Variants in LMO7 observed in about 807,000 individuals in gnomAD.
The protein encoded by LMO7 is LIM domain 7, also known as LIM domain only protein 7.
A neutral mutation model predicts 206.5 loss-of-function variants in LMO7; 120 were observed. The observed-to-expected ratio is 0.58, with a 90% CI of 0.50 to 0.68. LMO7 has a LOEUF of 0.68. LMO7 is among the 30% of genes least tolerant of loss of function. The pLI, the probability that LMO7 is intolerant of heterozygous loss-of-function variation, is 0.00. For synonymous variants in LMO7, 706 were observed against 681.5 expected (o/e 1.04, Z -0.56); for missense variants, 1,959 against 1,957.9 (o/e 1.00, Z -0.01).
chr13:75,781,686 C>T (rs1463797735), intron 4 of LMO7, among the ~76,000 whole-genome samples: 1 of 150,446 alleles, frequency 6.6e-6, no homozygotes, highest in African/African-American at 2.4e-5. Context: ...AGTTCTAGAT[C>T]CCTGAGGAAT....
chr13:75,827,602 G>T (rs1176698882), intron 15 of LMO7, among the ~76,000 whole-genome samples: 2 of 152,100 alleles, frequency 1.3e-5, no homozygotes, highest in African/African-American at 4.8e-5. Flanking sequence ...GCTCATTCTA[G>T]AGGTGACCCA....
At chr13:75,819,329 C>G in intron 12 of LMO7, 64 bp from the exon 13 acceptor site, 1 of 1,487,080 alleles carries the variant, frequency 6.7e-7, no homozygotes, top group Non-Finnish European at 9.0e-7. Flanking sequence ...CTGGCACATT[C>G]TGTCTGCTAG....
Position 75,636,581 on chromosome 13 carries a change from C to A in LMO7, c.-77C>A. 6.5e-7 allele frequency: 1 copy of A among 1,539,548 alleles called. No individual in the cohort carries two copies. On this transcript the variant is annotated 5_prime_UTR_variant, in exon 1 of 31. Coordinates refer to ENST00000377534, the MANE Select transcript of LMO7 (RefSeq NM_001306080.2). Reference sequence around the variant, plus strand: ...GGGAGGCCCGCGTGCCCTCCCCGCCCGTGGGGCCCAGACGCGCGGGGACAA... The same window carrying A: ...GGGAGGCCCGCGTGCCCTCCCCGCCAGTGGGGCCCAGACGCGCGGGGACAA...
chr13:75,722,441 A>G (rs2044100108), intron 2 of LMO7, among the ~76,000 whole-genome samples: 1 of 152,238 alleles, frequency 6.6e-6, no homozygotes, highest in Non-Finnish European at 1.5e-5. Context: ...GCATATGGAA[A>G]AATGTACAGC....
At chr13:75,818,171 T>C (rs1449521399) in intron 12 of LMO7, among the ~76,000 whole-genome samples, 1 of 152,214 alleles carries the variant, frequency 6.6e-6, no homozygotes, top group Non-Finnish European at 1.5e-5. Flanking sequence ...TTTGCCAAAA[T>C]ACATGGTTAA....
intron 3 of LMO7, among the ~76,000 whole-genome samples, chr13:75,757,489 T>C (rs1371939911): frequency 6.6e-6 from 1 of 152,080 alleles, no homozygotes; most frequent in Non-Finnish European, 1.5e-5. Context: ...TGGTAGATCT[T>C]TGTGGCTTCC....
intron 1 of LMO7, among the ~76,000 whole-genome samples, chr13:75,712,702 A>G (rs1165342200): frequency 6.6e-6 from 1 of 152,206 alleles, no homozygotes; most frequent in Non-Finnish European, 1.5e-5. Flanking sequence ...AAATAAGTTT[A>G]AGAAGTGTCA....
At chr13:75,700,423 T>C (rs2042211225) in intron 1 of LMO7, among the ~76,000 whole-genome samples, 1 of 152,234 alleles carries the variant, frequency 6.6e-6, no homozygotes, top group African/African-American at 2.4e-5. Flanking sequence ...GTACATGAAA[T>C]CTTCACAATT....
At chr13:75,759,417 A>C (rs1044745123) in intron 3 of LMO7, among the ~76,000 whole-genome samples, 3 of 152,182 alleles carry the variant, frequency 2.0e-5, no homozygotes, top group African/African-American at 7.2e-5. Flanking sequence ...TTTAGAAACT[A>C]TGGGCCTAAC....
intron 2 of LMO7, among the ~76,000 whole-genome samples, chr13:75,718,115 C>A (rs1290470223): frequency 6.6e-6 from 1 of 152,170 alleles, no homozygotes; most frequent in Non-Finnish European, 1.5e-5. Flanking sequence ...TTGGCATTTG[C>A]ATGCCTTTTT....
At chr13:75,739,107 G>C (rs1213809668) in intron 3 of LMO7, among the ~76,000 whole-genome samples, 3 of 152,310 alleles carry the variant, frequency 2.0e-5, no homozygotes, top group South Asian at 4.1e-4. Context: ...AATCATCCCT[G>C]ATTGAGAACT....
intron 3 of LMO7, among the ~76,000 whole-genome samples, chr13:75,731,079 G>A (rs1594592246): frequency 6.6e-6 from 1 of 151,980 alleles, no homozygotes; most frequent in African/African-American, 2.4e-5. Flanking sequence ...TAGGTGTGGT[G>A]TGGTGCTGAA....
intron 2 of LMO7, among the ~76,000 whole-genome samples, chr13:75,629,616 GACACC>G (rs908078942): frequency 1.1e-4 from 16 of 152,168 alleles, no homozygotes; most frequent in Non-Finnish European, 2.1e-4. Flanking sequence ...GATCCTGAAG[GACACC>G]ACTTAATGTG....
At chr13:75,830,654 A>T (rs2058573716) in intron 15 of LMO7, among the ~76,000 whole-genome samples, 1 of 152,196 alleles carries the variant, frequency 6.6e-6, no homozygotes, top group Non-Finnish European at 1.5e-5. Context: ...CCCTTTTATT[A>T]ATATTTAAGA....
At chr13:75,623,409 G>A in intron 2 of LMO7, 5 of 730,624 alleles carry the variant, frequency 6.8e-6, no homozygotes, top group Non-Finnish European at 1.2e-5. Context: ...TGTTGCCCAG[G>A]GTGGAGTGCA....
intron 19 of LMO7, among the ~76,000 whole-genome samples, chr13:75,837,530 A>G (rs1300043724): frequency 1.3e-5 from 2 of 152,096 alleles, no homozygotes; most frequent in Non-Finnish European, 2.9e-5. Flanking sequence ...TGACAGATCT[A>G]TGGGAGAAGT....
intron 1 of LMO7, among the ~76,000 whole-genome samples, chr13:75,667,648 T>G (rs955388829): frequency 6.6e-5 from 10 of 152,208 alleles, no homozygotes; most frequent in African/African-American, 2.2e-4. Flanking sequence ...TGCTGAGATT[T>G]TCTTTCATTA....
chr13:75,755,320 C>T (rs1008810835), intron 3 of LMO7, among the ~76,000 whole-genome samples: 8 of 152,296 alleles, frequency 5.3e-5, no homozygotes, highest in South Asian at 4.1e-4. Context: ...ATCTGCCTCT[C>T]TATTCCTGAA....
chr13:75,647,951 C>CCTTTTTTTT (rs2037185793), intron 1 of LMO7, among the ~76,000 whole-genome samples: 1 of 91,128 alleles, frequency 1.1e-5, no homozygotes, highest in Admixed American at 1.6e-4. Context: ...TCTTTTCTTT[C>CCTTTTTTTT]TTTTTTTTTT....
Sources: allele counts gnomAD v4.1 joint callset (sites outside exome capture counted in the v4.1 genomes callset), GRCh38; gene constraint gnomAD v4.1.1; transcripts MANE v1.5; gene names NCBI Gene and HGNC (gene_info 2026-07-23, HGNC 2026-07-21).